The following TAFA5 variants were observed in gnomAD, a reference collection of about 807,000 sequenced individuals.
The protein encoded by TAFA5 is TAFA chemokine like family member 5, also known as chemokine-like protein TAFA-5.
In TAFA5, 6 loss-of-function variants were observed where a neutral mutation model predicts 15.3. The observed-to-expected ratio is 0.39, with a 90% CI of 0.21 to 0.77. The LOEUF is 0.77. Among genes scored for constraint, TAFA5 ranks in the 30% least tolerant of loss-of-function variants. TAFA5 has a pLI of 0.41. For synonymous variants in TAFA5, 103 were observed against 80.7 expected (o/e 1.28, Z -1.48); for missense variants, 161 against 193.1 (o/e 0.83, Z 0.98).
chr22:48,677,476 C>T (rs185856490), intron 2 of TAFA5, among the ~76,000 whole-genome samples: 6 of 152,320 alleles, frequency 3.9e-5, no homozygotes, highest in East Asian at 1.9e-4. Flanking sequence ...GACTGCTCCC[C>T]GGCAAGTCTT....
At chr22:48,495,857 C>T (rs1211148555) in intron 1 of TAFA5, among the ~76,000 whole-genome samples, 1 of 152,206 alleles carries the variant, frequency 6.6e-6, no homozygotes, top group African/African-American at 2.4e-5. Context: ...CAAAGCTGAG[C>T]CCTCCGGCCC....
chr22:48,601,173 G>A (rs1385199513), intron 1 of TAFA5, among the ~76,000 whole-genome samples: 1 of 152,212 alleles, frequency 6.6e-6, no homozygotes, highest in Non-Finnish European at 1.5e-5. Context: ...TGTATGTAGA[G>A]GACAAAACGT....
rs887348498 is a variant in TAFA5 at position 48,681,810 on chromosome 22, G to A, written c.263-25907G>A. On this transcript the variant is annotated intron_variant, in intron 2 of 3. Transcript: ENST00000402357. ...TTGCACACACTCCGGATCCTGGGGTGTTGTCCACATGTAGACTCTCCCACT... is the reference window on the plus strand; with the variant it reads ...TTGCACACACTCCGGATCCTGGGGTATTGTCCACATGTAGACTCTCCCACT... Among the ~76,000 whole-genome samples, 10 of 122,730 alleles carry A rather than the reference G, an allele frequency of 8.1e-5. 1 individual carries two copies. The highest frequency in any genetic ancestry group is 1.8e-4 in the African/African-American group (7 of 38,030). 80.5% of individuals were successfully genotyped at this position (122,730 alleles called of 152,430 possible).
At chr22:48,670,631 A>G (rs1002255163) in intron 2 of TAFA5, among the ~76,000 whole-genome samples, 3 of 152,262 alleles carry the variant, frequency 2.0e-5, no homozygotes, top group Admixed American at 6.5e-5. Context: ...GGTCGAACCC[A>G]AGGTCAAAGC....
intron 1 of TAFA5, among the ~76,000 whole-genome samples, chr22:48,496,926 G>C (rs1463666267): frequency 2.6e-5 from 4 of 152,212 alleles, no homozygotes; most frequent in African/African-American, 9.6e-5. Context: ...ACAGGCTGCT[G>C]TGCTTGCATT....
intron 1 of TAFA5, among the ~76,000 whole-genome samples, chr22:48,506,888 G>A (rs1220544953): frequency 1.3e-5 from 2 of 152,214 alleles, no homozygotes; most frequent in African/African-American, 4.8e-5. Context: ...GGCTGGACAC[G>A]TCAGCATGGG....
At chr22:48,567,475 C>A (rs766667016) in intron 1 of TAFA5, among the ~76,000 whole-genome samples, 14 of 152,192 alleles carry the variant, frequency 9.2e-5, no homozygotes, top group Non-Finnish European at 1.6e-4. Context: ...ATAAGAATTT[C>A]AAAAAGGAGA....
chr22:48,579,533 C>T (rs1253006912), intron 1 of TAFA5, among the ~76,000 whole-genome samples: 4 of 152,182 alleles, frequency 2.6e-5, no homozygotes, highest in African/African-American at 7.2e-5. Context: ...GTGCAGACGA[C>T]GTGTGTCACG....
In TAFA5 at chr22:48,566,128, G is replaced by A. The variant is rs1923399675; in HGVS notation, c.112+76424G>A. Among the ~76,000 whole-genome samples the A allele has an allele frequency of 6.6e-6, 1 of 151,820 alleles. No individual in the cohort carries two copies. Among genetic ancestry groups the A allele is most frequent in the Non-Finnish European group, 1.5e-5 (1 of 67,942 alleles). ...TGGATAGATAGATGATGGATGGATG[G>A]ATGATGAATGGATGATGGGTGGACA... On this transcript the variant is annotated intron_variant, in intron 1 of 3. Transcript: ENST00000402357. The surrounding 1 kb of genome is among the most constrained non-coding windows in gnomAD (Gnocchi z 4.5).
intron 1 of TAFA5, chr22:48,576,248 CGCCCG>C: frequency 7.8e-5 from 38 of 487,934 alleles, no homozygotes; most frequent in Non-Finnish European, 1.1e-4. Flanking sequence ...TCCCCGCCCC[CGCCCG>C]CCCCCTCCGC....
intron 3 of TAFA5, among the ~76,000 whole-genome samples, chr22:48,748,641 C>T (rs890679069): frequency 6.6e-6 from 1 of 152,150 alleles, no homozygotes; most frequent in Non-Finnish European, 1.5e-5. Context: ...GTTGGGTAGA[C>T]GAGGCTATGA....
chr22:48,659,287 A>G (rs1187133210), intron 2 of TAFA5, among the ~76,000 whole-genome samples: 2 of 152,228 alleles, frequency 1.3e-5, no homozygotes, highest in East Asian at 1.9e-4. Context: ...TGGTCTGGCC[A>G]TGGAGCCAGG....
In TAFA5 at chr22:48,680,308, T is replaced by G. The variant is rs148085143; in HGVS notation, c.263-27409T>G. On this transcript the variant is annotated intron_variant, in intron 2 of 3. Coordinates refer to ENST00000402357, the MANE Select transcript of TAFA5 (RefSeq NM_001082967.3). ...CCACGACCCAGGTTGCTGCCAGCTT[T>G]TGCTGGGTTCTCAGAACAAAAGATG... Among the ~76,000 whole-genome samples the G allele has an allele frequency of 4.1e-3, 625 of 152,320 alleles. 6 individuals carry two copies. Among genetic ancestry groups the G allele is most frequent in the African/African-American group, 0.014 (583 of 41,578 alleles).
chr22:48,557,357 G>C (rs1923076592), intron 1 of TAFA5, among the ~76,000 whole-genome samples: 1 of 152,182 alleles, frequency 6.6e-6, no homozygotes, highest in African/African-American at 2.4e-5. Context: ...GCGTCCACAG[G>C]CTGAGGAGGG....
Position 48,735,680 on chromosome 22 carries a change from G to C in TAFA5, c.391-14159G>C, listed in dbSNP as rs139828859. Reference sequence around the variant, plus strand: ...ATGCTTTGGAAGACAGTTTGGCAGTGGCTGAAAATGATGGAGTTACCAAGG... The same window carrying C: ...ATGCTTTGGAAGACAGTTTGGCAGTCGCTGAAAATGATGGAGTTACCAAGG... On this transcript the variant is annotated intron_variant, in intron 3 of 3. Coordinates refer to ENST00000402357, the MANE Select transcript of TAFA5 (RefSeq NM_001082967.3). 1.6e-4 allele frequency among the ~76,000 whole-genome samples: 24 copies of C among 152,274 alleles called. 1 individual carries two copies. The East Asian group carries it at 4.2e-3, about 27-fold the overall frequency.
At chr22:48,668,654 A>G (rs185451475) in intron 2 of TAFA5, among the ~76,000 whole-genome samples, 4 of 59,798 alleles carry the variant, frequency 6.7e-5, no homozygotes, top group African/African-American at 2.9e-4. Flanking sequence ...CCCAGCACTC[A>G]GGGCCGCGTC....
chr22:48,533,206 G>A (rs781604256), intron 1 of TAFA5, among the ~76,000 whole-genome samples: 73 of 152,250 alleles, frequency 4.8e-4, no homozygotes, highest in Non-Finnish European at 9.3e-4. Flanking sequence ...TGAGGGGACC[G>A]GCGGTGATTA....
chr22:48,693,096 C>G (rs1928594014), intron 2 of TAFA5, among the ~76,000 whole-genome samples: 1 of 152,250 alleles, frequency 6.6e-6, no homozygotes. Context: ...GCCCTTCGAC[C>G]CTGTCCGCCC....
intron 1 of TAFA5, among the ~76,000 whole-genome samples, chr22:48,511,842 C>A (rs891840466): frequency 3.9e-5 from 6 of 152,238 alleles, no homozygotes; most frequent in Admixed American, 6.5e-5. Flanking sequence ...CCTGGTGCGT[C>A]CCCCGAAGCC....
Sources: allele counts gnomAD v4.1 joint callset (sites outside exome capture counted in the v4.1 genomes callset), GRCh38; gene constraint gnomAD v4.1.1; non-coding constraint Gnocchi (gnomAD v3.1); transcripts MANE v1.5; gene names NCBI Gene and HGNC (gene_info 2026-07-23, HGNC 2026-07-21).